Variants in SPON2 observed in about 807,000 individuals in gnomAD.
SPON2 encodes spondin-2.
SPON2 carries 32 observed loss-of-function variants against 29.9 expected under a neutral mutation model. That is an observed-to-expected ratio of 1.07 (90% CI 0.81 to 1.44). SPON2 has a LOEUF of 1.44. Among genes scored for constraint, SPON2 ranks in the 40% most tolerant of loss-of-function variants. SPON2 has a pLI of 0.00. For missense variants in SPON2, 541 were observed against 455.5 expected, an observed-to-expected ratio of 1.19 and a Z score of -1.71; for synonymous variants, 248 against 209.1, an observed-to-expected ratio of 1.19 and a Z score of -1.61.
intron 1 of SPON2, among the ~76,000 whole-genome samples, chr4:1,203,208 G>A (rs961460758): frequency 3.3e-5 from 5 of 152,214 alleles, no homozygotes; most frequent in Non-Finnish European, 5.9e-5. Context: ...AGTCTGAGGT[G>A]TTTTGTTACA....
chr4:1,171,811 C>T (rs761936028), intron 2 of SPON2, 41 bp downstream of exon 2: 1 of 1,471,890 alleles, frequency 6.8e-7, no homozygotes, highest in South Asian at 1.1e-5. Flanking sequence ...GCGCCGCAGC[C>T]CTCCTGGTGG....
At chr4:1,174,500 AAACAAAAAAACAAAAAAC>A (rs1727551724), upstream of SPON2, among the ~76,000 whole-genome samples, 1 of 149,786 alleles carries the variant, frequency 6.7e-6, no homozygotes, top group African/African-American at 2.5e-5. Flanking sequence ...AAAAAAAAAA[AAACAAAAAAACAAAAAAC>A]AAAAACAAAA....
At chr4:1,176,630 CCACACAGTACATTCATTCACTAATTCACT>C (rs1269540817), upstream of SPON2, among the ~76,000 whole-genome samples, 6 of 149,726 alleles carry the variant, frequency 4.0e-5, no homozygotes, top group South Asian at 2.3e-4. Context: ...ATGCAGTCAT[CCACACAGTACATTCATTCACTAATTCACT>C]CACACAGTAC....
intron 2 of SPON2, among the ~76,000 whole-genome samples, chr4:1,178,404 C>G (rs1294453397): frequency 1.3e-5 from 2 of 151,406 alleles, no homozygotes; most frequent in Non-Finnish European, 2.9e-5. Flanking sequence ...CTGGCCCCCT[C>G]CCCCTCCCTC....
At chr4:1,186,042 A>G (rs71614952) in intron 1 of SPON2, among the ~76,000 whole-genome samples, 23,270 of 149,912 alleles carry the variant, frequency 0.16, 2,147 homozygotes, top group Non-Finnish European at 0.2. Flanking sequence ...CAGGAGATCG[A>G]GACCATCCTG....
intron 1 of SPON2, among the ~76,000 whole-genome samples, chr4:1,187,740 T>A (rs916623387): frequency 1.3e-5 from 2 of 152,182 alleles, no homozygotes; most frequent in African/African-American, 4.8e-5. Context: ...ATCACTGTCA[T>A]ATAATTTAAA....
chr4:1,202,175 C>T lies in SPON2; in HGVS notation c.-234+5705G>A, dbSNP rs1434966568. Among the ~76,000 whole-genome samples the T allele has an allele frequency of 2.6e-5, 4 of 152,310 alleles. No individual in the cohort carries two copies. Among genetic ancestry groups the T allele is most frequent in the Admixed American group, 6.5e-5 (1 of 15,306 alleles). ...TATCAACAGAGACTTCCTGCCTCCC[C>T]GTCTGGAGGCCAAGGTTGGGTTCTC... On this transcript the variant is annotated intron_variant, in intron 1 of 3. Transcript: ENST00000509233. The surrounding 1 kb of genome is among the most constrained non-coding windows in gnomAD (Gnocchi z 5.4).
chr4:1,196,826 T>G (rs1560211664), upstream of SPON2: 1 of 152,394 alleles, frequency 6.6e-6, no homozygotes, highest in South Asian at 2.1e-4. Flanking sequence ...CTAGAAGGTA[T>G]GTCATCCATA....
intron 1 of SPON2, among the ~76,000 whole-genome samples, chr4:1,193,954 G>T (rs1163193316): frequency 6.6e-6 from 1 of 151,580 alleles, no homozygotes; most frequent in East Asian, 1.9e-4. Context: ...TAACACGGGG[G>T]TGGCGTGGGC....
chr4:1,172,095 AG>A (rs750212818), intron 1 of SPON2, 21 bp from the exon 2 acceptor site: 33 of 1,601,954 alleles, frequency 2.1e-5, no homozygotes, highest in Admixed American at 1.8e-4. Context: ...AGAGGGGAGC[AG>A]CCGCGCGCTG....
At position 1,172,062 on chromosome 4, in the gene SPON2, G is replaced by A. The variant is rs1331792913; in HGVS notation, c.10C>T (p.Pro4Ser). 1.9e-6 allele frequency: 3 copies of A among 1,611,062 alleles called. No individual in the cohort carries two copies. Among genetic ancestry groups the A allele is most frequent in the Non-Finnish European group, 1.7e-6 (2 of 1,179,578 alleles). Reference sequence around the variant, plus strand: ...TTGCCCAGGGCGGCGGCCGGGCTGGGGTTTTCCATCACCTGGGAGCACAGA... The same window carrying A: ...TTGCCCAGGGCGGCGGCCGGGCTGGAGTTTTCCATCACCTGGGAGCACAGA... MEN[P>S]SPAAALGKAL... Residue 4 changes from proline to serine, a missense_variant, in exon 2 of 6, where the codon CCC becomes TCC. By Grantham distance (74) the Pro-to-Ser change is moderately conservative. Coordinates refer to ENST00000290902, the MANE Select transcript of SPON2 (RefSeq NM_012445.4).
chr4:1,207,238 C>T (rs1434926923), intron 1 of SPON2, among the ~76,000 whole-genome samples: 8 of 152,082 alleles, frequency 5.3e-5, no homozygotes, highest in Non-Finnish European at 2.9e-5. Flanking sequence ...GGGTGGAGGC[C>T]GGAGGCCTAG....
Position 1,202,836 on chromosome 4 carries a change from TCAAGGCCCCCCG to T in SPON2, c.-234+5032_-234+5043del, listed in dbSNP as rs946352075. On this transcript the variant is annotated intron_variant, in intron 1 of 3. Coordinates refer to the SPON2 transcript ENST00000509233. This position sits in a 1 kb window ranked among gnomAD's most constrained non-coding sequence, Gnocchi z 5.4. Reference sequence around the variant, plus strand: ...CAGTGTCAGCGCCCCGTGGATGCCGTCAAGGCCCCCCGCATGTGCCTTTGGGAGCGATGGTTG... The same window carrying T: ...CAGTGTCAGCGCCCCGTGGATGCCGTCATGTGCCTTTGGGAGCGATGGTTG... Among the ~76,000 whole-genome samples the T allele has an allele frequency of 6.6e-6, 1 of 152,044 alleles. No homozygotes were observed. The highest frequency in any genetic ancestry group is 2.4e-5 in the African/African-American group (1 of 41,388).
rs201490905 is a variant in SPON2, at chr4:1,171,303, T to C, written c.404A>G (p.Gln135Arg). ...CTGCACCTCCAGCTCCGCCGACGTC[T>C]GCCCGGTGCCGCTGGGGACGGCGGG... Reference protein sequence around the residue: ...SAPAVPSGTGQTSAELEVQRR... With the variant: ...SAPAVPSGTGRTSAELEVQRR... Residue 135 changes from glutamine to arginine, a missense_variant, in exon 3 of 6, where the codon CAG becomes CGG. Gln to Arg is a conservative substitution (Grantham distance 43). Transcript: ENST00000290902. 3.3e-4 allele frequency: 526 copies of C among 1,593,422 alleles called. 4 individuals are homozygous for C. In the African/African-American group the frequency reaches 6.5e-3, roughly 20 times the overall value.
upstream of SPON2, chr4:1,172,835 TTTG>T (rs1727501894): frequency 1.3e-5 from 2 of 148,162 alleles, no homozygotes; most frequent in African/African-American, 5.0e-5. Context: ...CACCCCTTTC[TTTG>T]TCTGTCTGTC....
At position 1,182,005 on chromosome 4, in the gene SPON2, A is replaced by G. The variant is rs989432641; in HGVS notation, c.-238-2464T>C. Among the ~76,000 whole-genome samples the G allele has an allele frequency of 3.9e-5, 6 of 152,352 alleles. No individual in the cohort carries two copies. The East Asian group carries it at 1.2e-3, about 29-fold the overall frequency. ...AGTTAGAAAGTGATATGGCACATAC[A>G]GGCTCAGAAAAGACCTGAGAAGACC... On this transcript the variant is annotated intron_variant, in intron 1 of 3. Transcript: ENST00000502483.
chr4:1,177,340 G>A (rs887511157), upstream of SPON2, among the ~76,000 whole-genome samples: 1 of 152,358 alleles, frequency 6.6e-6, no homozygotes, highest in African/African-American at 2.4e-5. Flanking sequence ...CACACTCCCA[G>A]GGTGTTGGCA....
intron 1 of SPON2, among the ~76,000 whole-genome samples, chr4:1,186,443 G>A (rs1020799043): frequency 6.6e-6 from 1 of 151,742 alleles, no homozygotes; most frequent in South Asian, 2.1e-4. Flanking sequence ...AGCTGGGATT[G>A]CAGGCGCATG....
At position 1,171,430 on chromosome 4, in the gene SPON2, C is replaced by A. The variant is rs199678994; in HGVS notation, c.277G>T (p.Gly93Trp). Residue 93 changes from glycine (G) to tryptophan (W), a missense_variant, in exon 3 of 6, where the codon GGG becomes TGG. By Grantham distance (184) the Gly-to-Trp change is radical. Coordinates refer to ENST00000290902, the MANE Select transcript of SPON2 (RefSeq NM_012445.4). ...MWRKNQYVSN[G>W]LRDFAERGEA... ...CCGCGCTCCGCAAAGTCGCGCAGCC[C>A]GTTACTGACGTACTGGTTCTTCCTC... 4 of 1,612,320 alleles carry A rather than the reference C, an allele frequency of 2.5e-6. No individual in the cohort carries two copies. Among genetic ancestry groups the A allele is most frequent in the East Asian group, 2.2e-5 (1 of 44,858 alleles).
Sources: allele counts gnomAD v4.1 joint callset (sites outside exome capture counted in the v4.1 genomes callset), GRCh38; gene constraint gnomAD v4.1.1; non-coding constraint Gnocchi (gnomAD v3.1); transcripts MANE v1.5; gene names NCBI Gene and HGNC (gene_info 2026-07-23, HGNC 2026-07-21).